Variants in DIO2 observed in about 807,000 individuals in gnomAD.
DIO2 encodes the protein iodothyronine deiodinase 2, also known as type II iodothyronine deiodinase.
A neutral mutation model predicts 21.4 loss-of-function variants in DIO2; 19 were observed. That is an observed-to-expected ratio of 0.89 (90% CI 0.62 to 1.30). The LOEUF is 1.30. Ranked by LOEUF, DIO2 falls within the 50% of genes most tolerant of loss-of-function variation. The pLI is 0.00. For missense variants in DIO2, 302 were observed against 338.1 expected, an observed-to-expected ratio of 0.89 and a Z score of 0.84; for synonymous variants, 122 against 132.9, an observed-to-expected ratio of 0.92 and a Z score of 0.57.
chr14:80,229,109 T>A (rs576433579), intron 2 of DIO2, among the ~76,000 whole-genome samples: 66 of 152,270 alleles, frequency 4.3e-4, no homozygotes, highest in African/African-American at 1.1e-3. Flanking sequence ...TGAGGGGCCA[T>A]GATTCTCCGT....
At position 80,202,672 on chromosome 14, in the gene DIO2, C is replaced by T. The variant is rs1010299367; in HGVS notation, c.*17G>A. 1.3e-6 allele frequency: 2 copies of T among 1,589,460 alleles called. No homozygotes were observed. The highest frequency in any genetic ancestry group is 1.7e-6 in the Non-Finnish European group (2 of 1,167,474). On this transcript the variant is annotated 3_prime_UTR_variant, in exon 2 of 2. Coordinates refer to ENST00000438257, the MANE Select transcript of DIO2 (RefSeq NM_013989.5). The stretch of plus-strand genomic sequence containing the variant: ...ATATAACTTTTTAAAACAATAAGCT[C>T]TCTTATAATCATACCTTTAACCAGC...
chr14:80,206,056 T>C (rs916207050), intron 1 of DIO2, among the ~76,000 whole-genome samples: 1 of 152,184 alleles, frequency 6.6e-6, no homozygotes, highest in African/African-American at 2.4e-5. Context: ...ATCTGGTCAG[T>C]GCACAAAACA....
rs1887695409 is a variant in DIO2, at chr14:80,201,026, A to G, written c.*1663T>C. On this transcript the variant is annotated 3_prime_UTR_variant, in exon 2 of 2. Transcript: ENST00000438257. The stretch of plus-strand genomic sequence containing the variant: ...TACAATCATATACTATGATTTCATA[A>G]TAGTCTCATATTTACCAAAAAGAAA... 6.6e-6 allele frequency: 1 copy of G among 152,048 alleles called. No homozygotes were observed. Among genetic ancestry groups the G allele is most frequent in the African/African-American group, 2.4e-5 (1 of 41,430 alleles). The allele number at this position is 152,048 out of a possible 1,614,324, so 9.4% of individuals were successfully genotyped here.
In DIO2 at chr14:80,202,605, C is replaced by A; in HGVS notation, c.*84G>T. ...CCTGTCTTTCAGTAAGCCAATAGGGCTCTGTTGAAATATGGATTCAGTTCT... is the reference window on the plus strand; with the variant it reads ...CCTGTCTTTCAGTAAGCCAATAGGGATCTGTTGAAATATGGATTCAGTTCT... On this transcript the variant is annotated 3_prime_UTR_variant, in exon 2 of 2. Transcript: ENST00000438257. 2.2e-6 allele frequency: 3 copies of A among 1,370,920 alleles called. No individual in the cohort carries two copies. In the South Asian group the frequency reaches 4.4e-5, roughly 20 times the overall value. The allele number at this position is 1,370,920 out of a possible 1,614,324, so 84.9% of individuals were successfully genotyped here. A position where few individuals can be genotyped will look rare whatever the true frequency, so the allele number is the denominator to read the frequency against.
At chr14:80,220,163 C>G (rs1052856071) in intron 2 of DIO2, among the ~76,000 whole-genome samples, 2 of 152,072 alleles carry the variant, frequency 1.3e-5, no homozygotes, top group African/African-American at 4.8e-5. Flanking sequence ...AAAGCTCAGC[C>G]TCCCGTGTTC....
intron 2 of DIO2, among the ~76,000 whole-genome samples, chr14:80,228,305 C>T (rs971816720): frequency 7.2e-5 from 11 of 152,312 alleles, no homozygotes; most frequent in African/African-American, 2.6e-4. Context: ...AGGCATTTGC[C>T]AAGTCAGTGG....
intron 2 of DIO2, among the ~76,000 whole-genome samples, chr14:80,217,899 A>G (rs575626392): frequency 9.2e-5 from 14 of 152,358 alleles, no homozygotes; most frequent in African/African-American, 3.4e-4. Context: ...GCCTTTTATC[A>G]AGAGATGTCA....
intron 2 of DIO2, among the ~76,000 whole-genome samples, chr14:80,227,455 T>C (rs901413686): frequency 4.6e-5 from 7 of 152,316 alleles, no homozygotes; most frequent in African/African-American, 1.4e-4. Context: ...CAGTTCATGA[T>C]AGGCAATTCA....
chr14:80,229,100 G>A (rs988250757), intron 2 of DIO2, among the ~76,000 whole-genome samples: 2 of 152,104 alleles, frequency 1.3e-5, no homozygotes, highest in African/African-American at 4.8e-5. Context: ...GAAATTGATT[G>A]AGGGGCCATG....
At position 80,200,525 on chromosome 14, in the gene DIO2, T is replaced by C. The variant is rs1333653665; in HGVS notation, c.*2164A>G. ...GTGAATGTGCTGCAACCAGGTTTTT[T>C]ATTTTACTGCTTTAGGGTTCCACGT... On this transcript the variant is annotated 3_prime_UTR_variant, in exon 2 of 2. Transcript: ENST00000438257. The C allele has an allele frequency of 6.6e-6, 1 of 152,302 alleles. No individual in the cohort carries two copies. The highest frequency in any genetic ancestry group is 2.4e-5 in the African/African-American group (1 of 41,450). The allele number at this position is 152,302 out of a possible 1,614,324, so 9.4% of individuals were successfully genotyped here.
chr14:80,216,352 A>G (rs1888358547), upstream of DIO2, among the ~76,000 whole-genome samples: 1 of 152,202 alleles, frequency 6.6e-6, no homozygotes, highest in Admixed American at 6.5e-5. Context: ...GCTGTCCGGT[A>G]TCTGGATGAA....
rs772732016 is a variant in DIO2 at position 80,202,881 on chromosome 14, A to T, written c.630T>A (p.Val210=). 6.2e-7 allele frequency: 1 copy of T among 1,613,972 alleles called. No homozygotes were observed. The highest frequency in any genetic ancestry group is 8.5e-7 in the Non-Finnish European group (1 of 1,179,884). ...CGTTATTGTCCATGCGGTCAGCCAC[A>T]ACTCGGCACTGGGGCGGCAAGGAGA... ...ERFSLPPQCR[V]VADRMDNNAN... Residue 210 remains valine (V), a synonymous_variant, in exon 2 of 2, where the codon GTT becomes GTA. Coordinates refer to ENST00000438257, the MANE Select transcript of DIO2 (RefSeq NM_013989.5).
rs995191078 is a variant in DIO2, at chr14:80,201,745, C to T, written c.*944G>A. The T allele has an allele frequency of 2.6e-4, 39 of 152,242 alleles. No homozygotes were observed. Among genetic ancestry groups the T allele is most frequent in the Non-Finnish European group, 5.6e-4 (38 of 68,092 alleles). The allele number at this position is 152,242 out of a possible 1,614,324, so 9.4% of individuals were successfully genotyped here. A position where few individuals can be genotyped will look rare whatever the true frequency, so the allele number is the denominator to read the frequency against. The stretch of plus-strand genomic sequence containing the variant: ...AATTATTTCCAAAAGAAACCCCTCA[C>T]AATTACAAATATTTAAGTATTTTTT... On this transcript the variant is annotated 3_prime_UTR_variant, in exon 2 of 2. Coordinates refer to ENST00000438257, the MANE Select transcript of DIO2 (RefSeq NM_013989.5).
chr14:80,214,474 ATTTAT>A (rs1211196456), upstream of DIO2, among the ~76,000 whole-genome samples: 1 of 151,982 alleles, frequency 6.6e-6, no homozygotes, highest in Non-Finnish European at 1.5e-5. Context: ...GTTTCTTTTT[ATTTAT>A]TTATTTATTG....
chr14:80,213,918 A>G (rs1306428338), upstream of DIO2, among the ~76,000 whole-genome samples: 1 of 152,236 alleles, frequency 6.6e-6, no homozygotes, highest in African/African-American at 2.4e-5. Flanking sequence ...CAAAGCTTAG[A>G]AAAATAATAT....
rs148372750 is a variant in DIO2, at chr14:80,205,307, G to A, written c.223-2019C>T. ...AAGGGGTGTTTTAACAATATCATGT[G>A]TACTGTGTGCCTCAACGTACCGTGA... On this transcript the variant is annotated intron_variant, in intron 1 of 1. Transcript: ENST00000438257. 2.9e-3 allele frequency among the ~76,000 whole-genome samples: 434 copies of A among 152,118 alleles called. 1 individual carries two copies. Among genetic ancestry groups the A allele is most frequent in the African/African-American group, 9.5e-3 (394 of 41,482 alleles).
intron 2 of DIO2, among the ~76,000 whole-genome samples, chr14:80,229,713 C>T (rs921105257): frequency 1.3e-5 from 2 of 152,146 alleles, no homozygotes; most frequent in African/African-American, 2.4e-5. Context: ...ACTATTAGAA[C>T]ATTTTTTTAG....
intron 1 of DIO2, chr14:80,205,842 G>T: frequency 1.3e-5 from 7 of 557,506 alleles, no homozygotes; most frequent in Non-Finnish European, 1.8e-5. Context: ...TTATTTTATT[G>T]AATGAATGCT....
chr14:80,219,595 T>G (rs540908176), intron 2 of DIO2: 2 of 151,890 alleles, frequency 1.3e-5, no homozygotes, highest in East Asian at 3.9e-4. Flanking sequence ...CGCTGGGCAT[T>G]GAAAATGATC....
Sources: gnomAD v4.1 joint callset for allele counts (sites outside exome capture counted in the v4.1 genomes callset) on GRCh38, gnomAD v4.1.1 for gene constraint, MANE v1.5 for transcripts, NCBI Gene and HGNC (gene_info 2026-07-23, HGNC 2026-07-21) for gene names.